The following ANKS1A variants were observed in gnomAD, a reference collection of about 807,000 sequenced individuals.
ANKS1A encodes the protein ankyrin repeat and SAM domain-containing protein 1A.
In ANKS1A, 55 loss-of-function variants were observed where a neutral mutation model predicts 120.3. That is an observed-to-expected ratio of 0.46 (90% confidence interval 0.37 to 0.57). ANKS1A has a LOEUF of 0.57. ANKS1A is among the 20% of genes least tolerant of loss of function. The pLI is 0.00. For synonymous variants in ANKS1A, 590 were observed against 604.7 expected, an observed-to-expected ratio of 0.98 and a Z score of 0.36; for missense variants, 1,123 against 1,480.3, an observed-to-expected ratio of 0.76 and a Z score of 3.96.
rs933257969 is a variant in ANKS1A at position 35,050,089 on chromosome 6, G to A, written c.2011-4010G>A. Among the ~76,000 whole-genome samples, 8 of 152,296 alleles carry A rather than the reference G, an allele frequency of 5.3e-5. No individual in the cohort carries two copies. Among genetic ancestry groups the A allele is most frequent in the African/African-American group, 1.4e-4 (6 of 41,560 alleles). ...ACCCCGTGGGCAGCCAGAATCCTGC[G>A]GTCTAAACAAGCAGATGTCAGATGG... On this transcript the variant is annotated intron_variant, in intron 11 of 23. Transcript: ENST00000360359. The surrounding 1 kb of genome is among the most constrained non-coding windows in gnomAD (Gnocchi z 4.3).
intron 2 of ANKS1A, among the ~76,000 whole-genome samples, chr6:34,968,670 T>C (rs1456635896): frequency 7.9e-5 from 12 of 152,102 alleles, no homozygotes; most frequent in Non-Finnish European, 1.5e-5. Context: ...ACTCCTGACC[T>C]CAGGTGATCC....
intron 2 of ANKS1A, among the ~76,000 whole-genome samples, chr6:34,968,465 T>C (rs1243845440): frequency 6.6e-6 from 1 of 152,116 alleles, no homozygotes; most frequent in Non-Finnish European, 1.5e-5. Context: ...GAGATGGAGT[T>C]TCATTCTTGT....
chr6:34,907,362 G>A (rs1424433460), intron 1 of ANKS1A, among the ~76,000 whole-genome samples: 1 of 152,142 alleles, frequency 6.6e-6, no homozygotes, highest in South Asian at 2.1e-4. Flanking sequence ...TCATCCCTGG[G>A]TACATGTGGG....
Position 35,060,049 on chromosome 6 carries a change from T to C in ANKS1A, c.2078-98T>C. Reference sequence around the variant, plus strand: ...AGTTTGGCTGTTTGATGGTAATGACTATGATGTGGCAATGCCATCTATCTT... The same window carrying C: ...AGTTTGGCTGTTTGATGGTAATGACCATGATGTGGCAATGCCATCTATCTT... On this transcript the variant is annotated intron_variant, in intron 12 of 23. Coordinates refer to ENST00000360359, the MANE Select transcript of ANKS1A (RefSeq NM_015245.3). This position sits in a 1 kb window ranked among gnomAD's most constrained non-coding sequence, Gnocchi z 4.5. 1 of 924,896 alleles carries C rather than the reference T, an allele frequency of 1.1e-6. No individual in the cohort carries two copies. The highest frequency in any genetic ancestry group is 2.1e-5 in the Admixed American group (1 of 48,598). The allele number at this position is 924,896 out of a possible 1,614,324, so 57.3% of individuals were successfully genotyped here.
intron 11 of ANKS1A, among the ~76,000 whole-genome samples, chr6:35,038,026 G>A (rs143337323): frequency 6.6e-6 from 1 of 152,252 alleles, no homozygotes; most frequent in African/African-American, 2.4e-5. Flanking sequence ...CTGGCGTCAG[G>A]TCTCTTTGTC....
rs1184210658 is a variant in ANKS1A at position 35,084,222 on chromosome 6, C to T, written c.3096C>T (p.Ser1032=). Residue 1032 remains serine, a synonymous_variant, in exon 21 of 24, where the codon AGC becomes AGT. Transcript: ENST00000360359. The surrounding 1 kb of genome is among the most constrained non-coding windows in gnomAD (Gnocchi z 4.8). ...ACATCACCAAGGACCTGCAGACCAG[C>T]CACCACTATTGCCATGTGTTCAGCA... is the stretch of plus-strand genomic sequence containing the variant. ...FAYITKDLQT[S]HHYCHVFSTV... 7.4e-6 allele frequency: 12 copies of T among 1,614,098 alleles called. No homozygotes were observed. Among genetic ancestry groups the T allele is most frequent in the Non-Finnish European group, 1.0e-5 (12 of 1,180,046 alleles).
At chr6:34,977,706 T>G (rs762956013) in intron 3 of ANKS1A, among the ~76,000 whole-genome samples, 48 of 152,174 alleles carry the variant, frequency 3.2e-4, no homozygotes, top group Non-Finnish European at 5.6e-4. Context: ...CTAACTCTTC[T>G]TCCACATGAT....
At chr6:34,932,374 G>C (rs1200715134) in intron 1 of ANKS1A, among the ~76,000 whole-genome samples, 2 of 152,090 alleles carry the variant, frequency 1.3e-5, no homozygotes, top group Non-Finnish European at 2.9e-5. Context: ...ACAGAGATAG[G>C]GTTTCACCGT....
At position 35,090,099 on chromosome 6, in the gene ANKS1A, T is replaced by A; in HGVS notation, c.*1490T>A. On this transcript the variant is annotated 3_prime_UTR_variant, in exon 24 of 24. Transcript: ENST00000360359. ...CCAGGCCTTGTGGGTTTCTATCTGC[T>A]AAGCACCCAGCAGGTTGGGGCCTGG... 7.8e-7 allele frequency: 1 copy of A among 1,288,706 alleles called. No individual in the cohort carries two copies. Among genetic ancestry groups the A allele is most frequent in the African/African-American group, 1.5e-5 (1 of 65,984 alleles). 79.8% of individuals were successfully genotyped at this position (1,288,706 alleles called of 1,614,324 possible).
intron 10 of ANKS1A, among the ~76,000 whole-genome samples, chr6:35,010,322 A>G (rs1237993214): frequency 1.3e-5 from 2 of 152,344 alleles, no homozygotes; most frequent in Admixed American, 6.5e-5. Flanking sequence ...TGAACAAGAT[A>G]GAAGTAAAGA....
chr6:34,974,950 GTGAT>G (rs1043795270), intron 3 of ANKS1A, among the ~76,000 whole-genome samples: 4 of 152,216 alleles, frequency 2.6e-5, no homozygotes, highest in African/African-American at 4.8e-5. Flanking sequence ...GAAACTTGAA[GTGAT>G]TGTTTTCCCA....
At position 35,083,151 on chromosome 6, in the gene ANKS1A, A is replaced by G. The variant is rs773607148; in HGVS notation, c.2836-4A>G. On this transcript the variant is annotated splice_region_variant and splice_polypyrimidine_tract_variant and intron_variant, in intron 18 of 23. Coordinates refer to ENST00000360359, the MANE Select transcript of ANKS1A (RefSeq NM_015245.3). Reference sequence around the variant, plus strand: ...CTAAGCCTGGCCACTGCTCGCCCCCACAGTATCTGGGCTCCATGCTGATCA... The same window carrying G: ...CTAAGCCTGGCCACTGCTCGCCCCCGCAGTATCTGGGCTCCATGCTGATCA... 14 of 1,613,974 alleles carry G rather than the reference A, an allele frequency of 8.7e-6. No individual in the cohort carries two copies. The highest frequency in any genetic ancestry group is 1.0e-5 in the Non-Finnish European group (12 of 1,179,882).
downstream of ANKS1A, among the ~76,000 whole-genome samples, chr6:35,094,823 G>A (rs1163244076): frequency 6.9e-6 from 1 of 145,118 alleles, no homozygotes; most frequent in Admixed American, 6.8e-5. Context: ...TTGTGTCAAC[G>A]AAGAAGAGGG....
intron 1 of ANKS1A, among the ~76,000 whole-genome samples, chr6:34,962,805 AAAAC>A (rs1325139254): frequency 2.6e-5 from 4 of 151,710 alleles, no homozygotes; most frequent in Non-Finnish European, 4.4e-5. Context: ...AAAACAAAAC[AAAAC>A]AAACAAACAA....
intron 11 of ANKS1A, chr6:35,039,613 A>G (rs1326434035): frequency 6.6e-6 from 3 of 456,660 alleles, no homozygotes; most frequent in African/African-American, 6.0e-5. Context: ...TTAAGGGGCT[A>G]CTGCCACGTG....
chr6:35,079,410 A>AG, intron 14 of ANKS1A, 106 bp from the exon 15 acceptor site: 6 of 1,441,114 alleles, frequency 4.2e-6, no homozygotes, highest in Non-Finnish European at 5.6e-6. Flanking sequence ...CCAAACACAG[A>AG]GGGCCCCCTG....
At chr6:35,087,955 C>G (rs574255826) in intron 23 of ANKS1A, among the ~76,000 whole-genome samples, 1 of 152,324 alleles carries the variant, frequency 6.6e-6, no homozygotes, top group South Asian at 2.1e-4. Flanking sequence ...GGAGGAAGGC[C>G]TTCCGTAGAA....
At chr6:34,909,034 A>T (rs1767777394) in intron 1 of ANKS1A, among the ~76,000 whole-genome samples, 1 of 152,238 alleles carries the variant, frequency 6.6e-6, no homozygotes, top group Non-Finnish European at 1.5e-5. Context: ...CATCATGAAG[A>T]TAACATTCCA....
chr6:34,953,424 A>G (rs1204982187), intron 1 of ANKS1A, among the ~76,000 whole-genome samples: 1 of 152,158 alleles, frequency 6.6e-6, no homozygotes, highest in Non-Finnish European at 1.5e-5. Flanking sequence ...AAGAGGCAGA[A>G]AGGAGCTTGG....
Sources: allele counts gnomAD v4.1 joint callset (sites outside exome capture counted in the v4.1 genomes callset), GRCh38; gene constraint gnomAD v4.1.1; non-coding constraint Gnocchi (gnomAD v3.1); transcripts MANE v1.5; gene names NCBI Gene and HGNC (gene_info 2026-07-23, HGNC 2026-07-21).